CDH13: variants seen among roughly 807,000 people sequenced by gnomAD.
CDH13 encodes the protein cadherin-13.
In CDH13, 24 loss-of-function variants were observed where a neutral mutation model predicts 63.8. The observed-to-expected ratio is 0.38, with a 90% CI of 0.27 to 0.53. The LOEUF is 0.53. Among genes scored for constraint, CDH13 ranks in the 20% least tolerant of loss-of-function variants. The pLI is 0.85. For missense variants in CDH13, 1,049 were observed against 903.1 expected (o/e 1.16, Z -2.07); for synonymous variants, 503 against 355.3 (o/e 1.42, Z -4.67).
chr16:83,497,352 T>C (rs1271940737), intron 7 of CDH13, among the ~76,000 whole-genome samples: 1 of 152,086 alleles, frequency 6.6e-6, no homozygotes, highest in Non-Finnish European at 1.5e-5. Flanking sequence ...TGAGTTCATG[T>C]CGTTTGTAGG....
chr16:82,828,446 C>T (rs2038362160), intron 1 of CDH13, among the ~76,000 whole-genome samples: 2 of 152,022 alleles, frequency 1.3e-5, no homozygotes, highest in South Asian at 4.2e-4. Flanking sequence ...AGTGAAACCC[C>T]AATTCACTAA....
intron 1 of CDH13, among the ~76,000 whole-genome samples, chr16:82,627,653 G>A (rs1312736810): frequency 6.6e-6 from 1 of 152,058 alleles, no homozygotes; most frequent in Non-Finnish European, 1.5e-5. Context: ...CGGGCCCCCT[G>A]GTACAGCCCG....
chr16:83,270,197 C>G (rs374268545), intron 5 of CDH13, among the ~76,000 whole-genome samples: 1 of 152,106 alleles, frequency 6.6e-6, no homozygotes, highest in Non-Finnish European at 1.5e-5. Context: ...AAAAAGGGGG[C>G]AGCTTGTAAT....
chr16:83,548,908 T>G (rs892405288), intron 7 of CDH13, among the ~76,000 whole-genome samples: 3 of 152,188 alleles, frequency 2.0e-5, no homozygotes, highest in Admixed American at 2.0e-4. Flanking sequence ...AAAGAAAGCC[T>G]TCAGTAGAAT....
intron 1 of CDH13, among the ~76,000 whole-genome samples, chr16:82,788,818 A>G (rs993839176): frequency 6.6e-6 from 1 of 152,030 alleles, no homozygotes; most frequent in African/African-American, 2.4e-5. Flanking sequence ...GCATCCAATT[A>G]AAGAAGCAGG....
intron 1 of CDH13, among the ~76,000 whole-genome samples, chr16:82,672,058 C>T (rs1304931942): frequency 6.6e-6 from 1 of 152,190 alleles, no homozygotes; most frequent in African/African-American, 2.4e-5. Flanking sequence ...TACACTCTCT[C>T]TCTTGCTTTT....
In CDH13 at chr16:83,625,951, G is replaced by A. The variant is rs572350884; in HGVS notation, c.1101+23357G>A. Among the ~76,000 whole-genome samples, 16 of 152,202 alleles carry A rather than the reference G, an allele frequency of 1.1e-4. No homozygotes were observed. The East Asian group carries it at 3.1e-3, about 29-fold the overall frequency. ...GTCAGGTGTATTGGGGTCTTTCCCT[G>A]GGAGTCCGATGCAGCAAGCAACACT... On this transcript the variant is annotated intron_variant, in intron 8 of 13. Coordinates refer to ENST00000567109, the MANE Select transcript of CDH13 (RefSeq NM_001257.5).
chr16:83,330,384 C>T (rs570174547), intron 5 of CDH13, among the ~76,000 whole-genome samples: 11 of 152,256 alleles, frequency 7.2e-5, no homozygotes, highest in African/African-American at 2.6e-4. Context: ...CTTACAACTG[C>T]ACGTGAATAA....
intron 1 of CDH13, among the ~76,000 whole-genome samples, chr16:82,840,950 G>T (rs72807825): frequency 6.6e-6 from 1 of 152,022 alleles, no homozygotes; most frequent in Non-Finnish European, 1.5e-5. Flanking sequence ...AGGAGGCTTG[G>T]GTAGAAGAAA....
chr16:83,466,789 A>G (rs999064836), intron 6 of CDH13, among the ~76,000 whole-genome samples: 14 of 152,312 alleles, frequency 9.2e-5, no homozygotes, highest in Non-Finnish European at 4.4e-5. Flanking sequence ...TATCAGATGC[A>G]TTTACCCTAC....
intron 6 of CDH13, among the ~76,000 whole-genome samples, chr16:83,354,046 G>A (rs529414657): frequency 7.3e-4 from 111 of 152,318 alleles, no homozygotes; most frequent in Non-Finnish European, 1.4e-3. Context: ...GCAGGGCAAA[G>A]GAGCATTTGT....
chr16:83,612,013 T>C (rs1397428471), intron 8 of CDH13, among the ~76,000 whole-genome samples: 2 of 152,096 alleles, frequency 1.3e-5, no homozygotes, highest in Admixed American at 6.5e-5. Context: ...TCGTGATCTA[T>C]ATACATCAGT....
At chr16:83,764,707 AG>A in intron 11 of CDH13, among the ~76,000 whole-genome samples, 1 of 140,220 alleles carries the variant, frequency 7.1e-6, no homozygotes, top group South Asian at 2.6e-4. Context: ...AGCCTCCTGA[AG>A]TCAGCCCTTT....
intron 7 of CDH13, among the ~76,000 whole-genome samples, chr16:83,547,548 C>A (rs1189238630): frequency 6.6e-6 from 1 of 152,120 alleles, no homozygotes; most frequent in African/African-American, 2.4e-5. Context: ...CGAGTACATG[C>A]AGTATTTGGT....
intron 6 of CDH13, among the ~76,000 whole-genome samples, chr16:83,450,926 C>T (rs1187146601): frequency 1.3e-5 from 2 of 152,226 alleles, no homozygotes; most frequent in African/African-American, 4.8e-5. Context: ...AGTTCTCAGC[C>T]TTGTGTGTGC....
At chr16:83,309,015 C>A (rs1373192638) in intron 5 of CDH13, among the ~76,000 whole-genome samples, 1 of 152,200 alleles carries the variant, frequency 6.6e-6, no homozygotes, top group Non-Finnish European at 1.5e-5. Context: ...TGTCCTAAAT[C>A]ATTCCCTTGT....
intron 7 of CDH13, among the ~76,000 whole-genome samples, chr16:83,559,225 A>T (rs1465858231): frequency 1.3e-5 from 2 of 152,322 alleles, no homozygotes; most frequent in East Asian, 3.9e-4. Flanking sequence ...TGTTTTGATG[A>T]GCCAGGCAAT....
At chr16:83,076,509 T>C (rs766026299) in intron 3 of CDH13, among the ~76,000 whole-genome samples, 36 of 152,182 alleles carry the variant, frequency 2.4e-4, no homozygotes, top group Admixed American at 1.1e-3. Context: ...CAGTATTTTA[T>C]TGTGAACATT....
chr16:82,909,280 G>A, intron 2 of CDH13, among the ~76,000 whole-genome samples: 1 of 151,020 alleles, frequency 6.6e-6, no homozygotes, highest in Non-Finnish European at 1.5e-5. Context: ...GTGTGTGTGT[G>A]TGTGTGTGTG....
Sources: gnomAD v4.1 joint callset for allele counts (sites outside exome capture counted in the v4.1 genomes callset) on GRCh38, gnomAD v4.1.1 for gene constraint, MANE v1.5 for transcripts, NCBI Gene and HGNC (gene_info 2026-07-23, HGNC 2026-07-21) for gene names.